The following BAG3 variants were observed in gnomAD, a reference collection of about 807,000 sequenced individuals.
BAG3 encodes the protein BAG cochaperone 3.
A neutral mutation model predicts 40.5 loss-of-function variants in BAG3; 14 were observed. The ratio of observed to expected loss-of-function variants is 0.35; its 90% CI spans 0.23 to 0.54. The LOEUF (loss-of-function observed/expected upper bound fraction) is 0.54. Among genes scored for constraint, BAG3 ranks in the 20% least tolerant of loss-of-function variants. BAG3 has a pLI of 0.91. For missense variants in BAG3, 788 were observed against 758.6 expected (o/e 1.04, Z -0.46); for synonymous variants, 302 against 307.8 (o/e 0.98, Z 0.20).
intron 1 of BAG3, among the ~76,000 whole-genome samples, chr10:119,665,092 T>TCTCTG (rs34372634): frequency 1.1e-5 from 1 of 87,970 alleles, no homozygotes; most frequent in African/African-American, 4.7e-5. Context: ...TAATTTTTGT[T>TCTCTG]TGTGTGTGTG....
Position 119,672,353 on chromosome 10 carries a change from G to T in BAG3, c.606G>T (p.Pro202=), listed in dbSNP as rs74157690. 1,206 of 1,614,040 alleles carry T rather than the reference G, an allele frequency of 7.5e-4. 9 individuals are homozygous for T. The African/African-American group carries it at 0.015, about 19-fold the overall frequency. Reference sequence around the variant, plus strand: ...GCAGCCTGGGCAGTCACCAGCTCCCGCGGGGGTACATCTCCATTCCGGTGA... The same window carrying T: ...GCAGCCTGGGCAGTCACCAGCTCCCTCGGGGGTACATCTCCATTCCGGTGA... ...GRSSLGSHQL[P]RGYISIPVIH... is the part of the protein sequence containing the mutation. The change falls in exon 3 of 4, where the codon CCG becomes CCT. Residue 202 remains proline, a synonymous_variant. Coordinates refer to ENST00000369085, the MANE Select transcript of BAG3 (RefSeq NM_004281.4). This position sits in a 1 kb window ranked among gnomAD's most constrained non-coding sequence, Gnocchi z 4.8.
chr10:119,669,584 T>C (rs1175536992), intron 1 of BAG3, among the ~76,000 whole-genome samples: 1 of 152,254 alleles, frequency 6.6e-6, no homozygotes, highest in Non-Finnish European at 1.5e-5. Context: ...GAAACCTGTC[T>C]TACCAGTTTG....
At position 119,677,326 on chromosome 10, in the gene BAG3, A is replaced by G; in HGVS notation, c.*44A>G. The G allele has an allele frequency of 6.2e-7, 1 of 1,610,326 alleles. No individual in the cohort carries two copies. Among genetic ancestry groups the G allele is most frequent in the Admixed American group, 1.7e-5 (1 of 59,870 alleles). On this transcript the variant is annotated 3_prime_UTR_variant, in exon 4 of 4. Transcript: ENST00000369085. ...CAGACTCGGAACCGATGTGTGCTTT[A>G]GGGAATTTTAAGTTGCATGCATTTC...
intron 1 of BAG3, among the ~76,000 whole-genome samples, chr10:119,652,725 A>T (rs966294038): frequency 1.3e-5 from 2 of 152,246 alleles, no homozygotes; most frequent in Admixed American, 1.3e-4. Context: ...ATTTGTTACC[A>T]GTACACAAAT....
At position 119,651,867 on chromosome 10, in the gene BAG3, C is replaced by T. The variant is rs751609529; in HGVS notation, c.180+12C>T. On this transcript the variant is annotated intron_variant, in intron 1 of 3. Transcript: ENST00000369085. ...CTGAGGGCCCCAAGGTGAGCCGGGC[C>T]CGCGGCCCGCCCTGGTCGGTGGCGC... 3 of 1,545,224 alleles carry T rather than the reference C, an allele frequency of 1.9e-6. No individual in the cohort carries two copies. The highest frequency in any genetic ancestry group is 2.6e-6 in the Non-Finnish European group (3 of 1,146,572).
At chr10:119,659,820 C>G (rs952217053) in intron 1 of BAG3, among the ~76,000 whole-genome samples, 6 of 152,214 alleles carry the variant, frequency 3.9e-5, no homozygotes, top group African/African-American at 9.7e-5. Flanking sequence ...TTTTCCTTGA[C>G]TCTGTCTAAA....
At position 119,676,473 on chromosome 10, in the gene BAG3, A is replaced by C; in HGVS notation, c.919A>C (p.Thr307Pro). ...TVVDRPQQPM[T>P]HRETAPVSQP... ...TGTGTCCTTTTTTCAGCAGCCCATG[A>C]CCCATCGAGAAACTGCACCTGTTTC... Residue 307 changes from threonine to proline, a missense_variant, in exon 4 of 4, where the codon ACC becomes CCC. Physicochemically the swap from Thr to Pro is conservative, Grantham distance 38. Transcript: ENST00000369085. The C allele has an allele frequency of 1.2e-6, 2 of 1,614,108 alleles. No individual in the cohort carries two copies. The highest frequency in any genetic ancestry group is 1.3e-5 in the African/African-American group (1 of 75,014).
At chr10:119,660,028 G>A (rs1021369511) in intron 1 of BAG3, among the ~76,000 whole-genome samples, 21 of 152,150 alleles carry the variant, frequency 1.4e-4, no homozygotes, top group African/African-American at 4.1e-4. Context: ...CATGGAACCC[G>A]TGAGGCAGGC....
At chr10:119,676,321 G>A (rs1847233578) in intron 3 of BAG3, 143 bp from the exon 4 acceptor site, 1 of 806,250 alleles carries the variant, frequency 1.2e-6, no homozygotes, top group African/African-American at 1.7e-5. Context: ...AACAGCCATT[G>A]ATTGACTTTG....
At chr10:119,664,967 A>G (rs948695170) in intron 1 of BAG3, among the ~76,000 whole-genome samples, 2 of 151,602 alleles carry the variant, frequency 1.3e-5, no homozygotes, top group Non-Finnish European at 2.9e-5. Flanking sequence ...AGCCCAGGCT[A>G]GAGTGCAATG....
intron 1 of BAG3, among the ~76,000 whole-genome samples, chr10:119,663,608 C>T (rs573860366): frequency 3.3e-5 from 5 of 152,232 alleles, no homozygotes; most frequent in South Asian, 4.2e-4. Context: ...ACCACCGGAC[C>T]CGGGCCCTCC....
chr10:119,667,227 T>C (rs899042838), intron 1 of BAG3, among the ~76,000 whole-genome samples: 1 of 152,182 alleles, frequency 6.6e-6, no homozygotes, highest in Admixed American at 6.5e-5. Flanking sequence ...TCTGCCCGCC[T>C]TAGCCTCCCA....
In BAG3 at chr10:119,672,766, G is replaced by C; in HGVS notation, c.909+110G>C. ...CTTCATCCCTGCCTATTTAACATGC[G>C]TGTACCTACAGGCAAGTGAGATTCG... On this transcript the variant is annotated intron_variant, in intron 3 of 3. Coordinates refer to ENST00000369085, the MANE Select transcript of BAG3 (RefSeq NM_004281.4). The surrounding 1 kb of genome is among the most constrained non-coding windows in gnomAD (Gnocchi z 4.8). The C allele has an allele frequency of 2.8e-6, 4 of 1,440,206 alleles. No homozygotes were observed. Among genetic ancestry groups the C allele is most frequent in the South Asian group, 1.2e-5 (1 of 84,870 alleles). 89.2% of individuals were successfully genotyped at this position (1,440,206 alleles called of 1,614,324 possible). A position where few individuals can be genotyped will look rare whatever the true frequency, so the allele number is the denominator to read the frequency against.
In BAG3 at chr10:119,672,353, G is replaced by C. The variant is rs74157690; in HGVS notation, c.606G>C (p.Pro202=). Residue 202 remains proline (P), a synonymous_variant, in exon 3 of 4, where the codon CCG becomes CCC. Transcript: ENST00000369085. The surrounding 1 kb of genome is among the most constrained non-coding windows in gnomAD (Gnocchi z 4.8). ...GRSSLGSHQL[P]RGYISIPVIH... ...GCAGCCTGGGCAGTCACCAGCTCCC[G>C]CGGGGGTACATCTCCATTCCGGTGA... 6.2e-7 allele frequency: 1 copy of C among 1,614,040 alleles called. No homozygotes were observed. The highest frequency in any genetic ancestry group is 8.5e-7 in the Non-Finnish European group (1 of 1,180,012).
intron 1 of BAG3, among the ~76,000 whole-genome samples, chr10:119,658,555 A>G (rs1042332366): frequency 2.6e-5 from 4 of 152,164 alleles, no homozygotes; most frequent in South Asian, 2.1e-4. Context: ...GGCTGGGCGA[A>G]ATGGAAGCCT....
At chr10:119,664,647 C>G (rs1847034757) in intron 1 of BAG3, among the ~76,000 whole-genome samples, 1 of 152,090 alleles carries the variant, frequency 6.6e-6, no homozygotes, top group African/African-American at 2.4e-5. Flanking sequence ...GAGGCAGATT[C>G]CGAGCTCCCG....
At chr10:119,660,218 C>G (rs959762730) in intron 1 of BAG3, among the ~76,000 whole-genome samples, 10 of 152,234 alleles carry the variant, frequency 6.6e-5, no homozygotes, top group Non-Finnish European at 2.9e-5. Context: ...CCCTTCTGTG[C>G]CCCAGCCTGG....
At chr10:119,651,980 C>T (rs2134050802) in intron 1 of BAG3, 125 bp downstream of exon 1, 11 of 796,608 alleles carry the variant, frequency 1.4e-5, no homozygotes, top group Admixed American at 9.9e-5. Context: ...CCCTCGCGGG[C>T]GGACACCGGC....
At chr10:119,671,891 C>A (rs565665155) in intron 2 of BAG3, among the ~76,000 whole-genome samples, 1 of 152,156 alleles carries the variant, frequency 6.6e-6, no homozygotes, top group Non-Finnish European at 1.5e-5. Flanking sequence ...TAGGTTCAAG[C>A]AATTCCCCTG....
Sources: gnomAD v4.1 joint callset for allele counts (sites outside exome capture counted in the v4.1 genomes callset) on GRCh38, gnomAD v4.1.1 for gene constraint, Gnocchi (gnomAD v3.1) non-coding constraint, MANE v1.5 for transcripts, NCBI Gene and HGNC (gene_info 2026-07-23, HGNC 2026-07-21) for gene names.